TOMM34: variants seen among roughly 807,000 people sequenced by gnomAD.
The protein encoded by TOMM34 is translocase of outer mitochondrial membrane 34, also known as mitochondrial import receptor subunit TOM34.
A neutral mutation model predicts 37.4 loss-of-function variants in TOMM34; 24 were observed. The observed-to-expected ratio is 0.64, with a 90% CI of 0.46 to 0.90. The LOEUF (loss-of-function observed/expected upper bound fraction) is 0.90. Among genes scored for constraint, TOMM34 ranks in the 40% least tolerant of loss-of-function variants. The probability of loss-of-function intolerance (pLI) is 0.00; values close to 1 mark genes in which losing one functional copy is unlikely to be tolerated. For synonymous variants in TOMM34, 154 were observed against 148.9 expected (o/e 1.03, Z -0.25); for missense variants, 304 against 375.6 (o/e 0.81, Z 1.58).
In TOMM34 at chr20:44,960,193, G is replaced by C. The variant is rs955311904; in HGVS notation, c.127+14C>G. The stretch of plus-strand genomic sequence containing the variant: ...GGAGCAGGCCCGGAGGTGAGATGGG[G>C]GCCGGGGTCGTACCTTGCGCCTGCA... On this transcript the variant is annotated intron_variant, in intron 1 of 6. Transcript: ENST00000372813. The C allele has an allele frequency of 1.3e-6, 2 of 1,553,696 alleles. No individual in the cohort carries two copies. Among genetic ancestry groups the C allele is most frequent in the Non-Finnish European group, 1.7e-6 (2 of 1,150,138 alleles).
intron 5 of TOMM34, among the ~76,000 whole-genome samples, chr20:44,948,491 T>TA (rs2066999253): frequency 6.6e-6 from 1 of 152,170 alleles, no homozygotes; most frequent in Admixed American, 6.5e-5. Context: ...ATTGCATGCT[T>TA]ATGAAAATTC....
chr20:44,942,878 T>G lies in TOMM34; in HGVS notation c.*231A>C, dbSNP rs1276731663. On this transcript the variant is annotated 3_prime_UTR_variant, in exon 7 of 7. Coordinates refer to ENST00000372813, the MANE Select transcript of TOMM34 (RefSeq NM_006809.5). ...TAGGGACAGAGCTTCAGCTTCACGC[T>G]TAGCTCTAGTGGGGACCTTTCTGGT... 2 of 585,088 alleles carry G rather than the reference T, an allele frequency of 3.4e-6. No homozygotes were observed. Among genetic ancestry groups the G allele is most frequent in the Non-Finnish European group, 6.1e-6 (2 of 327,622 alleles). 36.2% of individuals were successfully genotyped at this position (585,088 alleles called of 1,614,324 possible). A position where few individuals can be genotyped will look rare whatever the true frequency, so the allele number is the denominator to read the frequency against.
At chr20:44,955,977 T>C (rs183587392) in intron 2 of TOMM34, among the ~76,000 whole-genome samples, 42 of 152,338 alleles carry the variant, frequency 2.8e-4, no homozygotes, top group Admixed American at 2.5e-3. Context: ...ATTTTTTTCC[T>C]TTCTCCTTCT....
At chr20:44,959,831 A>C (rs1730837785) in intron 1 of TOMM34, 3 of 734,302 alleles carry the variant, frequency 4.1e-6, no homozygotes, top group Admixed American at 1.3e-4. Flanking sequence ...CTTAAGACTC[A>C]CGTCCTCCCC....
At chr20:44,944,407 G>A (rs1425481718) in intron 5 of TOMM34, among the ~76,000 whole-genome samples, 2 of 152,212 alleles carry the variant, frequency 1.3e-5, no homozygotes, top group African/African-American at 4.8e-5. Flanking sequence ...TTCAGTGGGT[G>A]CAGGGTATTC....
At position 44,942,876 on chromosome 20, in the gene TOMM34, G is replaced by C; in HGVS notation, c.*233C>G. ...AATAGGGACAGAGCTTCAGCTTCAC[G>C]CTTAGCTCTAGTGGGGACCTTTCTG... On this transcript the variant is annotated 3_prime_UTR_variant, in exon 7 of 7. Coordinates refer to ENST00000372813, the MANE Select transcript of TOMM34 (RefSeq NM_006809.5). The C allele has an allele frequency of 1.7e-6, 1 of 582,024 alleles. No individual in the cohort carries two copies. Among genetic ancestry groups the C allele is most frequent in the Non-Finnish European group, 3.1e-6 (1 of 325,754 alleles). 36.1% of individuals were successfully genotyped at this position (582,024 alleles called of 1,614,324 possible).
chr20:44,958,355 CAAAGACTAGTA>C (rs1270564281), intron 1 of TOMM34: 3 of 471,338 alleles, frequency 6.4e-6, no homozygotes, highest in Non-Finnish European at 1.3e-5. Context: ...ACGGAAAGTA[CAAAGACTAGTA>C]AAATACATCC....
chr20:44,959,419 A>G (rs1347167930), intron 1 of TOMM34, among the ~76,000 whole-genome samples: 1 of 151,884 alleles, frequency 6.6e-6, no homozygotes, highest in Non-Finnish European at 1.5e-5. Flanking sequence ...TCTGTTTCAA[A>G]CTCTCCAGTA....
At chr20:44,943,325 A>G in intron 6 of TOMM34, 112 bp from the exon 7 acceptor site, 1 of 1,595,820 alleles carries the variant, frequency 6.3e-7, no homozygotes, top group Non-Finnish European at 8.6e-7. Flanking sequence ...GCTCTGAGTT[A>G]TCCTGGGCCC....
intron 1 of TOMM34, 81 bp downstream of exon 1, chr20:44,960,126 T>A (rs1342542326): frequency 1.4e-6 from 2 of 1,481,320 alleles, no homozygotes; most frequent in African/African-American, 2.9e-5. Flanking sequence ...GCAGGACTGC[T>A]GGCCGCCGCG....
intron 5 of TOMM34, among the ~76,000 whole-genome samples, chr20:44,943,989 C>G (rs1197721967): frequency 2.0e-5 from 3 of 152,032 alleles, no homozygotes; most frequent in Admixed American, 6.6e-5. Context: ...AAAAACCCAA[C>G]AACTACTGAA....
chr20:44,944,105 A>G (rs1044483940), intron 5 of TOMM34, among the ~76,000 whole-genome samples: 9 of 152,246 alleles, frequency 5.9e-5, no homozygotes, highest in Non-Finnish European at 8.8e-5. Context: ...CTAAATAGTG[A>G]TAAGGCAATG....
rs2067028048 is a variant in TOMM34, at chr20:44,951,741, C to T, written c.550+92G>A. ...TTTGTTCCTAAGATTATTTTTATAA[C>T]TCAGCTAAACAATGCCAATTTTTGC... On this transcript the variant is annotated intron_variant, in intron 4 of 6. Transcript: ENST00000372813. 2.1e-6 allele frequency: 3 copies of T among 1,436,130 alleles called. No homozygotes were observed. The South Asian group carries it at 4.2e-5, about 20-fold the overall frequency. The allele number at this position is 1,436,130 out of a possible 1,614,324, so 89.0% of individuals were successfully genotyped here.
intron 5 of TOMM34, among the ~76,000 whole-genome samples, chr20:44,945,549 C>T (rs184255241): frequency 8.5e-5 from 13 of 152,334 alleles, no homozygotes; most frequent in East Asian, 7.7e-4. Flanking sequence ...GAGGCCACCA[C>T]GCTCTCAGGA....
intron 4 of TOMM34, among the ~76,000 whole-genome samples, chr20:44,949,531 G>C (rs899445936): frequency 2.0e-5 from 3 of 152,158 alleles, no homozygotes; most frequent in Non-Finnish European, 4.4e-5. Flanking sequence ...TGAAATCCAA[G>C]CTGCTCAACT....
In TOMM34 at chr20:44,951,096, C is replaced by T. The variant is rs753207568; in HGVS notation, c.550+737G>A. The stretch of plus-strand genomic sequence containing the variant: ...GGTGACCTAATCACAAAATCTCATC[C>T]GCCGGTTATGGTGTGTACTTCAGGG... On this transcript the variant is annotated intron_variant, in intron 4 of 6. Coordinates refer to ENST00000372813, the MANE Select transcript of TOMM34 (RefSeq NM_006809.5). Among the ~76,000 whole-genome samples the T allele has an allele frequency of 4.6e-5, 7 of 152,094 alleles. No homozygotes were observed. In the East Asian group the frequency reaches 1.3e-3, roughly 29 times the overall value.
chr20:44,957,920 G>A (rs2067087908), intron 1 of TOMM34, among the ~76,000 whole-genome samples: 1 of 152,090 alleles, frequency 6.6e-6, no homozygotes, highest in South Asian at 2.1e-4. Flanking sequence ...TGGGATTATA[G>A]GCATGAGCTA....
intron 1 of TOMM34, 75 bp from the exon 2 acceptor site, chr20:44,956,560 C>T: frequency 7.0e-7 from 1 of 1,436,736 alleles, no homozygotes; most frequent in East Asian, 2.3e-5. Flanking sequence ...ATTTCAAACT[C>T]AGAGCTCTTT....
At chr20:44,950,104 C>T (rs977335414) in intron 4 of TOMM34, among the ~76,000 whole-genome samples, 1 of 152,198 alleles carries the variant, frequency 6.6e-6, no homozygotes, top group Non-Finnish European at 1.5e-5. Flanking sequence ...GTGGGTACAT[C>T]TCCCTGTGCA....
Sources: gnomAD v4.1 joint callset for allele counts (sites outside exome capture counted in the v4.1 genomes callset) on GRCh38, gnomAD v4.1.1 for gene constraint, MANE v1.5 for transcripts, NCBI Gene and HGNC (gene_info 2026-07-23, HGNC 2026-07-21) for gene names.